CD46: variants seen among roughly 807,000 people sequenced by gnomAD.
CD46 encodes membrane cofactor protein.
In CD46, 30 loss-of-function variants were observed where a neutral mutation model predicts 53.3. The ratio of observed to expected loss-of-function variants is 0.56; its 90% CI spans 0.42 to 0.76. CD46 has a LOEUF of 0.76. Ranked by LOEUF, CD46 falls within the 30% of genes least tolerant of loss-of-function variation. The probability of loss-of-function intolerance (pLI) is 0.00; values close to 1 mark genes in which losing one functional copy is unlikely to be tolerated. For synonymous variants in CD46, 142 were observed against 152.0 expected (o/e 0.93, Z 0.48); for missense variants, 409 against 463.0 (o/e 0.88, Z 1.07).
At chr1:207,776,770 A>G (rs1360873645) in intron 8 of CD46, among the ~76,000 whole-genome samples, 1 of 151,808 alleles carries the variant, frequency 6.6e-6, no homozygotes, top group African/African-American at 2.4e-5. Flanking sequence ...CTGGAACTAC[A>G]GGCACCTGCC....
At chr1:207,756,528 G>A (rs1420701292) in intron 1 of CD46, among the ~76,000 whole-genome samples, 1 of 152,192 alleles carries the variant, frequency 6.6e-6, no homozygotes, top group Non-Finnish European at 1.5e-5. Flanking sequence ...CACAAGGTGA[G>A]TATAGTAGAA....
At chr1:207,766,377 C>G (rs369771210) in intron 5 of CD46, among the ~76,000 whole-genome samples, 95 of 152,174 alleles carry the variant, frequency 6.2e-4, no homozygotes, top group Middle Eastern at 3.4e-3. Context: ...AACCTGAAGA[C>G]AGGTGAATAG....
At chr1:207,788,324 G>T (rs1205702313) in intron 11 of CD46, among the ~76,000 whole-genome samples, 1 of 150,282 alleles carries the variant, frequency 6.7e-6, no homozygotes. Flanking sequence ...AGACCATCCT[G>T]GCTAACACGG....
chr1:207,771,247 G>A (rs913499766), intron 8 of CD46, among the ~76,000 whole-genome samples: 4 of 152,090 alleles, frequency 2.6e-5, no homozygotes, highest in Admixed American at 2.0e-4. Flanking sequence ...TGATGGTGGT[G>A]TTTTTTTCTT....
intron 11 of CD46, among the ~76,000 whole-genome samples, chr1:207,787,037 ACTCT>A (rs1386725224): frequency 6.6e-6 from 1 of 151,820 alleles, no homozygotes; most frequent in Non-Finnish European, 1.5e-5. Flanking sequence ...TATTAATCAA[ACTCT>A]CTCTAGCTAG....
chr1:207,788,235 A>G (rs577534351), intron 11 of CD46, among the ~76,000 whole-genome samples: 1 of 151,958 alleles, frequency 6.6e-6, no homozygotes, highest in Non-Finnish European at 1.5e-5. Flanking sequence ...AAAGATTTCC[A>G]GCCGGGCCTG....
intron 6 of CD46, 196 bp from the exon 7 acceptor site, chr1:207,767,580 ATCT>A (rs1558057583): frequency 1.3e-6 from 2 of 1,583,502 alleles, no homozygotes; most frequent in East Asian, 4.5e-5. Flanking sequence ...CAAGTGGTTG[ATCT>A]TCTAACATTA....
At chr1:207,789,564 G>A (rs979989448) in intron 11 of CD46, among the ~76,000 whole-genome samples, 16 of 152,092 alleles carry the variant, frequency 1.1e-4, no homozygotes, top group Non-Finnish European at 1.9e-4. Context: ...AATATGAGAC[G>A]CCATGTAATA....
chr1:207,782,782 G>A (rs968026386), intron 8 of CD46, among the ~76,000 whole-genome samples: 4 of 149,762 alleles, frequency 2.7e-5, no homozygotes, highest in African/African-American at 9.8e-5. Context: ...CAAGTAGCTG[G>A]GATTACAGGC....
At chr1:207,774,750 C>A (rs1464702121) in intron 8 of CD46, among the ~76,000 whole-genome samples, 3 of 152,192 alleles carry the variant, frequency 2.0e-5, no homozygotes, top group African/African-American at 7.2e-5. Context: ...GCTGAGACAT[C>A]CGCTGATAGT....
rs1659092598 is a variant in CD46 at position 207,784,565 on chromosome 1, C to T, written c.983-506C>T. Among the ~76,000 whole-genome samples, 3 of 152,154 alleles carry T rather than the reference C, an allele frequency of 2.0e-5. No individual in the cohort carries two copies. In the South Asian group the frequency reaches 6.2e-4, roughly 32 times the overall value. On this transcript the variant is annotated intron_variant, in intron 9 of 12. Transcript: ENST00000367042. ...TTCTATGATCAAAATGACCTGGATG[C>T]CCTAGCAGTCATGCTAAAACTATAT...
At chr1:207,763,907 T>G (rs1422858182) in intron 5 of CD46, among the ~76,000 whole-genome samples, 6 of 151,624 alleles carry the variant, frequency 4.0e-5, no homozygotes, top group African/African-American at 1.5e-4. Context: ...TGCCCTGTGT[T>G]ACAGTGAGAG....
At chr1:207,759,616 T>A in intron 3 of CD46, 23 bp from the exon 4 acceptor site, 2 of 1,283,974 alleles carry the variant, frequency 1.6e-6, no homozygotes, top group Non-Finnish European at 2.3e-6. Context: ...TACAAAACAG[T>A]AACCCTTTCT....
chr1:207,789,533 C>T (rs1382425266), intron 11 of CD46, among the ~76,000 whole-genome samples: 2 of 152,088 alleles, frequency 1.3e-5, no homozygotes, highest in Non-Finnish European at 2.9e-5. Flanking sequence ...AGCATCCTTA[C>T]AAAATTAGAT....
intron 8 of CD46, among the ~76,000 whole-genome samples, chr1:207,776,800 T>G (rs1571654183): frequency 6.6e-6 from 1 of 152,260 alleles, no homozygotes; most frequent in African/African-American, 2.4e-5. Context: ...AGCTATTTTT[T>G]TGTGTGTGAA....
chr1:207,763,665 C>G (rs982226807), intron 5 of CD46, among the ~76,000 whole-genome samples: 1 of 151,780 alleles, frequency 6.6e-6, no homozygotes, highest in African/African-American at 2.4e-5. Context: ...AGTTTTATCT[C>G]TGAATATTTT....
intron 7 of CD46, chr1:207,769,813 C>T (rs2724360): frequency 0.8 from 122,817 of 154,178 alleles, 49,045 homozygotes; most frequent in East Asian, 0.99. Flanking sequence ...CCCAGGATGG[C>T]GTGCAGTGGC....
At chr1:207,788,582 A>G (rs1270366205) in intron 11 of CD46, among the ~76,000 whole-genome samples, 1 of 152,154 alleles carries the variant, frequency 6.6e-6, no homozygotes, top group East Asian at 1.9e-4. Flanking sequence ...TTTAATGTCC[A>G]TAATCTTGTC....
intron 8 of CD46, among the ~76,000 whole-genome samples, chr1:207,776,362 A>G (rs1311767984): frequency 6.6e-6 from 1 of 152,086 alleles, no homozygotes; most frequent in Non-Finnish European, 1.5e-5. Flanking sequence ...CGTGGGCTGC[A>G]CTCACTGTCC....
Sources: allele counts gnomAD v4.1 joint callset (sites outside exome capture counted in the v4.1 genomes callset), GRCh38; gene constraint gnomAD v4.1.1; transcripts MANE v1.5; gene names NCBI Gene and HGNC (gene_info 2026-07-23, HGNC 2026-07-21).